The following TNRC6B variants were observed in gnomAD, a reference collection of about 807,000 sequenced individuals.
The protein encoded by TNRC6B is trinucleotide repeat containing adaptor 6B.
In TNRC6B, 52 loss-of-function variants were observed where a neutral mutation model predicts 203.6. The observed-to-expected ratio is 0.26, with a 90% CI of 0.20 to 0.32. The LOEUF (loss-of-function observed/expected upper bound fraction) is 0.32, where lower values mean the gene tolerates loss of function less well. TNRC6B is among the 10% of genes least tolerant of loss of function. The pLI is 1.00. For synonymous variants in TNRC6B, 838 were observed against 845.7 expected (o/e 0.99, Z 0.16); for missense variants, 1,923 against 2,286.2 (o/e 0.84, Z 3.24).
rs886260212 is a variant in TNRC6B at position 40,335,635 on chromosome 22, T to A, written c.*12394T>A. On this transcript the variant is annotated 3_prime_UTR_variant, in exon 23 of 23. Transcript: ENST00000454349. ...TAAGAGTTTTCTGAAGGGTTTTTTT[T>A]GGGCTTTTAAACAGCTTATTTTTGT... 2.0e-5 allele frequency: 3 copies of A among 152,048 alleles called. No homozygotes were observed. The highest frequency in any genetic ancestry group is 2.9e-5 in the Non-Finnish European group (2 of 67,926). The allele number at this position is 152,048 out of a possible 1,614,324, so 9.4% of individuals were successfully genotyped here.
chr22:40,275,099 A>G (rs1742359146), intron 7 of TNRC6B, among the ~76,000 whole-genome samples: 1 of 152,210 alleles, frequency 6.6e-6, no homozygotes, highest in Admixed American at 6.5e-5. Flanking sequence ...CTAATTTTGT[A>G]GATGACTCTT....
intron 19 of TNRC6B, among the ~76,000 whole-genome samples, chr22:40,313,625 A>T (rs2071217503): frequency 6.6e-6 from 1 of 152,242 alleles, no homozygotes; most frequent in Non-Finnish European, 1.5e-5. Context: ...TCGGACCTTA[A>T]GCTGTTAAAG....
intron 1 of TNRC6B, among the ~76,000 whole-genome samples, chr22:40,057,049 T>C (rs1030463711): frequency 2.6e-5 from 4 of 152,176 alleles, no homozygotes; most frequent in African/African-American, 9.7e-5. Flanking sequence ...GAGTTTATGC[T>C]ACTTTGTTTT....
chr22:40,290,192 A>G (rs1220866481), intron 12 of TNRC6B, among the ~76,000 whole-genome samples: 1 of 152,212 alleles, frequency 6.6e-6, no homozygotes, highest in African/African-American at 2.4e-5. Flanking sequence ...TCAGCCCTTG[A>G]AATGTGGCCG....
intron 4 of TNRC6B, among the ~76,000 whole-genome samples, chr22:40,161,012 A>C (rs922026006): frequency 1.3e-5 from 2 of 151,886 alleles, no homozygotes; most frequent in Non-Finnish European, 2.9e-5. Flanking sequence ...GCTTTGTAGG[A>C]GCCCTTTATA....
At chr22:40,234,188 A>G (rs2069917642) in intron 1 of TNRC6B, among the ~76,000 whole-genome samples, 1 of 152,202 alleles carries the variant, frequency 6.6e-6, no homozygotes, top group Admixed American at 6.5e-5. Context: ...TGGAAGGCCA[A>G]GGCAGGAGGA....
intron 3 of TNRC6B, among the ~76,000 whole-genome samples, chr22:40,134,880 C>T (rs1158539182): frequency 2.6e-5 from 4 of 152,192 alleles, no homozygotes; most frequent in African/African-American, 9.7e-5. Context: ...ATTTTTAAGA[C>T]TCCATTACCA....
At chr22:40,124,056 C>G in intron 2 of TNRC6B, among the ~76,000 whole-genome samples, 1 of 152,120 alleles carries the variant, frequency 6.6e-6, no homozygotes, top group Non-Finnish European at 1.5e-5. Flanking sequence ...CAATTGAGAG[C>G]TTCTACTGTA....
At chr22:40,215,632 A>G (rs745456852) in intron 1 of TNRC6B, among the ~76,000 whole-genome samples, 4 of 152,158 alleles carry the variant, frequency 2.6e-5, no homozygotes, top group African/African-American at 9.7e-5. Flanking sequence ...CCAAAGCTCC[A>G]TGGAAGCCTC....
At chr22:40,097,339 T>C (rs1422026024) in intron 1 of TNRC6B, among the ~76,000 whole-genome samples, 4 of 152,176 alleles carry the variant, frequency 2.6e-5, no homozygotes, top group African/African-American at 9.7e-5. Context: ...AGGGTCTTTC[T>C]CTGTTTCCCA....
At chr22:40,261,783 A>C (rs199724592) in intron 3 of TNRC6B, 49 bp from the exon 4 acceptor site, 9 of 1,351,076 alleles carry the variant, frequency 6.7e-6, no homozygotes, top group Middle Eastern at 2.0e-4. Context: ...TTTTAGAAAA[A>C]ATGTATTTGA....
At chr22:40,233,950 T>C (rs933924867) in intron 1 of TNRC6B, among the ~76,000 whole-genome samples, 3 of 152,180 alleles carry the variant, frequency 2.0e-5, no homozygotes, top group Non-Finnish European at 4.4e-5. Flanking sequence ...ATCGTTTCAG[T>C]AGAGTTTCAC....
intron 1 of TNRC6B, among the ~76,000 whole-genome samples, chr22:40,053,479 G>GGA (rs531499761): frequency 1.3e-5 from 2 of 150,864 alleles, no homozygotes; most frequent in African/African-American, 4.9e-5. Context: ...CTACAGTATG[G>GGA]AAAAAAAAAT....
chr22:40,154,040 C>G (rs1569000311), intron 3 of TNRC6B, among the ~76,000 whole-genome samples: 2 of 151,552 alleles, frequency 1.3e-5, no homozygotes, highest in African/African-American at 2.4e-5. Flanking sequence ...TGGCTATTCA[C>G]AGGTGTGATC....
chr22:40,310,473 C>T (rs1053094542), intron 16 of TNRC6B, among the ~76,000 whole-genome samples: 2 of 152,154 alleles, frequency 1.3e-5, no homozygotes, highest in Non-Finnish European at 1.5e-5. Flanking sequence ...ACTCTTGAGT[C>T]GTTAGCATAG....
In TNRC6B at chr22:40,322,925, A is replaced by T. The variant is rs2071354473; in HGVS notation, c.5186A>T (p.Gln1729Leu). 6.2e-7 allele frequency: 1 copy of T among 1,613,780 alleles called. No homozygotes were observed. The highest frequency in any genetic ancestry group is 1.7e-5 in the Admixed American group (1 of 59,984). Residue 1729 changes from glutamine to leucine, a missense_variant, in exon 23 of 23, where the codon CAA becomes CTA. Gln to Leu is a moderately radical substitution (Grantham distance 113). Around this residue, in one of 8 missense-constraint regions of TNRC6B, gnomAD observed 126 missense variants for 137.5 expected, o/e 0.92. Transcript: ENST00000454349. ...GATGAAGTCAGCCGCTTTCTGGCAC[A>T]AGCTCAGCCCCCTACACCTGCAGCA... ...TDDEVSRFLAQAQPPTPAATP... is the reference protein window; with the variant it reads ...TDDEVSRFLALAQPPTPAATP...
chr22:40,177,318 A>C (rs559196822), upstream of TNRC6B, among the ~76,000 whole-genome samples: 2 of 152,302 alleles, frequency 1.3e-5, no homozygotes, highest in South Asian at 4.1e-4. Context: ...ACACACATAC[A>C]GGCAAAACAA....
chr22:40,149,445 A>G (rs935630062), intron 3 of TNRC6B, among the ~76,000 whole-genome samples: 1 of 151,972 alleles, frequency 6.6e-6, no homozygotes, highest in African/African-American at 2.4e-5. Flanking sequence ...AAGGCGGGCA[A>G]ATCACGAGGT....
intron 4 of TNRC6B, among the ~76,000 whole-genome samples, chr22:40,165,302 G>C (rs2068909365): frequency 6.6e-6 from 1 of 151,662 alleles, no homozygotes; most frequent in Admixed American, 6.6e-5. Flanking sequence ...TTAGCCTCTG[G>C]AGTAGCTAGT....
Sources: gnomAD v4.1 joint callset for allele counts (sites outside exome capture counted in the v4.1 genomes callset) on GRCh38, gnomAD v4.1.1 for gene constraint, gnomAD v4.1.1 regional missense constraint, MANE v1.5 for transcripts, NCBI Gene and HGNC (gene_info 2026-07-23, HGNC 2026-07-21) for gene names.